Variants in CACNA1E observed in about 807,000 individuals in gnomAD.
The protein encoded by CACNA1E is calcium voltage-gated channel subunit alpha1 E, also known as voltage-dependent R-type calcium channel subunit alpha-1E.
In CACNA1E, 40 loss-of-function variants were observed where a neutral mutation model predicts 259.2. The ratio of observed to expected loss-of-function variants is 0.15; its 90% CI spans 0.12 to 0.20. CACNA1E has a LOEUF of 0.20. CACNA1E is among the 10% of genes least tolerant of loss of function. The probability of loss-of-function intolerance (pLI) is 1.00; values close to 1 mark genes in which losing one functional copy is unlikely to be tolerated. For missense variants in CACNA1E, 1,874 were observed against 3,040.1 expected, an observed-to-expected ratio of 0.62 and a Z score of 9.02; for synonymous variants, 1,104 against 1,138.5, an observed-to-expected ratio of 0.97 and a Z score of 0.61.
chr1:181,438,416 A>T (rs1306320599), intron 2 of CACNA1E, among the ~76,000 whole-genome samples: 1 of 152,320 alleles, frequency 6.6e-6, no homozygotes, highest in African/African-American at 2.4e-5. Context: ...TGGAGCTGGA[A>T]TTGTGGATGG....
At position 181,736,479 on chromosome 1, in the gene CACNA1E, G is replaced by A. The variant is rs1276648426; in HGVS notation, c.3422+45G>A. The A allele has an allele frequency of 2.6e-6, 4 of 1,562,652 alleles. No homozygotes were observed. In the African/African-American group the frequency reaches 4.1e-5, roughly 16 times the overall value. On this transcript the variant is annotated intron_variant, in intron 22 of 47. Coordinates refer to ENST00000367573, the MANE Select transcript of CACNA1E (RefSeq NM_001205293.3). ...CTCCCTCTTTAGTGCTAGGGTAAAC[G>A]GCCAGGTGTGAGGCAGGGCAGGGTG...
At position 181,457,565 on chromosome 1, in the gene CACNA1E, G is replaced by A. The variant is rs79013914; in HGVS notation, c.435-26179G>A. Among the ~76,000 whole-genome samples the A allele has an allele frequency of 9.7e-4, 148 of 152,312 alleles. No homozygotes were observed. The East Asian group carries it at 0.025, about 26-fold the overall frequency. On this transcript the variant is annotated intron_variant, in intron 2 of 11. Transcript: ENST00000524607. ...GGTCTTACTTGGTGCTGGTCAGCTCGGACAACTTCTGCAGGGGGAGCCTAG... is the reference window on the plus strand; with the variant it reads ...GGTCTTACTTGGTGCTGGTCAGCTCAGACAACTTCTGCAGGGGGAGCCTAG...
rs1268848871 is a variant in CACNA1E at position 181,720,324 on chromosome 1, T to C, written c.1870T>C (p.Leu624=). The change falls in exon 14 of 48, where the codon TTA becomes CTA. Residue 624 remains leucine, a synonymous_variant. Coordinates refer to ENST00000367573, the MANE Select transcript of CACNA1E (RefSeq NM_001205293.3). The part of the protein sequence containing the change: ...IVVFALLGMQ[L]FGGRFNFNDG... ...TGTCTTTGCTCTCCTAGGAATGCAG[T>C]TATTTGGAGGCAGGTAAGTGCCCAG... The C allele has an allele frequency of 6.2e-6, 10 of 1,613,120 alleles. No homozygotes were observed. The East Asian group carries it at 2.0e-4, about 32-fold the overall frequency.
At chr1:181,716,977 AATGT>A in intron 10 of CACNA1E, 112 bp from the exon 11 acceptor site, 2 of 777,686 alleles carry the variant, frequency 2.6e-6, no homozygotes, top group African/African-American at 1.7e-5. Context: ...CCACACCTGC[AATGT>A]GGCAGTCACC....
At chr1:181,389,676 T>A (rs1298760451) in intron 1 of CACNA1E, among the ~76,000 whole-genome samples, 1 of 152,228 alleles carries the variant, frequency 6.6e-6, no homozygotes, top group African/African-American at 2.4e-5. Context: ...TTTGGTCCCG[T>A]GTCCTCAGAT....
At chr1:181,334,251 G>A (rs1324659430) in intron 1 of CACNA1E, among the ~76,000 whole-genome samples, 3 of 152,180 alleles carry the variant, frequency 2.0e-5, no homozygotes, top group African/African-American at 7.2e-5. Flanking sequence ...TCCTTCCAGG[G>A]CTTTGTTAAT....
At chr1:181,710,690 C>G (rs1422547666) in intron 7 of CACNA1E, among the ~76,000 whole-genome samples, 1 of 152,196 alleles carries the variant, frequency 6.6e-6, no homozygotes, top group African/African-American at 2.4e-5. Context: ...TGGCTAAGAA[C>G]ATACCTTTCA....
At chr1:181,401,183 C>A (rs1421669453) in intron 1 of CACNA1E, among the ~76,000 whole-genome samples, 1 of 152,142 alleles carries the variant, frequency 6.6e-6, no homozygotes, top group African/African-American at 2.4e-5. Context: ...TCACTTATTT[C>A]GAATATGCTG....
At chr1:181,592,600 G>A (rs1299459453) in intron 6 of CACNA1E, among the ~76,000 whole-genome samples, 2 of 152,118 alleles carry the variant, frequency 1.3e-5, no homozygotes, top group African/African-American at 4.8e-5. Context: ...TGACACAGCT[G>A]GCCTCCTCAG....
chr1:181,391,541 G>T (rs868650926), intron 1 of CACNA1E, among the ~76,000 whole-genome samples: 29 of 152,174 alleles, frequency 1.9e-4, no homozygotes, highest in Admixed American at 1.5e-3. Context: ...GGGGCTGTCT[G>T]GGGGGGAAGC....
chr1:181,662,126 C>A (rs1647748711), intron 7 of CACNA1E, among the ~76,000 whole-genome samples: 4 of 152,096 alleles, frequency 2.6e-5, no homozygotes, highest in African/African-American at 9.7e-5. Context: ...GTTGTGTGAC[C>A]ATGGGGGTCA....
chr1:181,524,986 T>C (rs915082026), intron 3 of CACNA1E, among the ~76,000 whole-genome samples: 1 of 152,230 alleles, frequency 6.6e-6, no homozygotes, highest in African/African-American at 2.4e-5. Flanking sequence ...ATCCATTGAG[T>C]CAAGAAATAT....
intron 3 of CACNA1E, among the ~76,000 whole-genome samples, chr1:181,548,090 G>C (rs545535655): frequency 3.6e-4 from 55 of 150,854 alleles, no homozygotes; most frequent in African/African-American, 1.2e-3. Flanking sequence ...GTTAGAGGTA[G>C]GTATACTTTC....
At chr1:181,539,276 C>G (rs894120564) in intron 3 of CACNA1E, among the ~76,000 whole-genome samples, 2 of 152,200 alleles carry the variant, frequency 1.3e-5, no homozygotes, top group Non-Finnish European at 2.9e-5. Flanking sequence ...TCACCAAGGG[C>G]TTGAAGGCAG....
chr1:181,616,569 CT>C (rs1360468953), intron 6 of CACNA1E, among the ~76,000 whole-genome samples: 5 of 152,068 alleles, frequency 3.3e-5, no homozygotes, highest in Non-Finnish European at 7.4e-5. Flanking sequence ...CGAAAATTAG[CT>C]GGGTGTGGTG....
chr1:181,533,343 A>G (rs758299514), intron 3 of CACNA1E, among the ~76,000 whole-genome samples: 8 of 148,052 alleles, frequency 5.4e-5, no homozygotes, highest in Non-Finnish European at 1.2e-4. Context: ...GACTATACCT[A>G]TATGTTTTTC....
At chr1:181,696,958 A>C (rs867750203) in intron 7 of CACNA1E, among the ~76,000 whole-genome samples, 1 of 152,330 alleles carries the variant, frequency 6.6e-6, no homozygotes, top group Middle Eastern at 3.4e-3. Flanking sequence ...TGCTTCCTGC[A>C]CATAATAAGA....
At chr1:181,666,681 GATATA>G (rs1223868862) in intron 7 of CACNA1E, among the ~76,000 whole-genome samples, 6 of 151,752 alleles carry the variant, frequency 4.0e-5, no homozygotes, top group Non-Finnish European at 7.4e-5. Context: ...GAAATGATGT[GATATA>G]ATATAGGAAT....
rs1313549774 is a variant in CACNA1E, at chr1:181,732,754, G to A, written c.2668G>A (p.Gly890Arg). ...ACCATGGCTGGCCAGGCCCTGTCAT[G>A]GAAACTGTGACCCGACTCAGCAGGA... ...EPPWLARPCHGNCDPTQQEAG... is the reference protein window; with the variant it reads ...EPPWLARPCHRNCDPTQQEAG... The change falls in exon 20 of 48, where the codon GGA becomes AGA. Residue 890 changes from glycine (G) to arginine (R), a missense_variant. Coordinates refer to ENST00000367573, the MANE Select transcript of CACNA1E (RefSeq NM_001205293.3). This position sits in a 1 kb window ranked among gnomAD's most constrained non-coding sequence, Gnocchi z 5.5. 6.4e-7 allele frequency: 1 copy of A among 1,569,136 alleles called. No individual in the cohort carries two copies. The highest frequency in any genetic ancestry group is 2.2e-5 in the East Asian group (1 of 44,588).
Sources: allele counts gnomAD v4.1 joint callset (sites outside exome capture counted in the v4.1 genomes callset), GRCh38; gene constraint gnomAD v4.1.1; non-coding constraint Gnocchi (gnomAD v3.1); transcripts MANE v1.5; gene names NCBI Gene and HGNC (gene_info 2026-07-23, HGNC 2026-07-21).